Variants in BRIP1 observed in about 807,000 individuals in gnomAD.
BRIP1 encodes Fanconi anemia group J protein.
BRIP1 carries 88 observed loss-of-function variants against 119.7 expected under a neutral mutation model. The observed-to-expected ratio is 0.74, with a 90% CI of 0.62 to 0.88. The LOEUF (loss-of-function observed/expected upper bound fraction) is 0.88, where lower values mean the gene tolerates loss of function less well. BRIP1 is among the 40% of genes least tolerant of loss of function. BRIP1 has a pLI of 0.00. For missense variants in BRIP1, 1,259 were observed against 1,455.4 expected (o/e 0.87, Z 2.20); for synonymous variants, 443 against 496.5 (o/e 0.89, Z 1.43).
intron 6 of BRIP1, among the ~76,000 whole-genome samples, chr17:61,811,969 T>C (rs551172236): frequency 2.6e-5 from 4 of 151,864 alleles, no homozygotes; most frequent in African/African-American, 9.7e-5. Flanking sequence ...AAATAAATAA[T>C]AAAAGATTTG....
At chr17:61,855,617 A>G (rs908428385) in intron 4 of BRIP1, among the ~76,000 whole-genome samples, 2 of 151,872 alleles carry the variant, frequency 1.3e-5, no homozygotes, top group Non-Finnish European at 2.9e-5. Context: ...AAATATATGC[A>G]ATTTGTTATG....
In BRIP1 at chr17:61,822,130, T is replaced by C. The variant is rs1022626011; in HGVS notation, c.628-13373A>G. 6.6e-6 allele frequency among the ~76,000 whole-genome samples: 1 copy of C among 152,130 alleles called. No homozygotes were observed. The highest frequency in any genetic ancestry group is 1.5e-5 in the Non-Finnish European group (1 of 68,018). On this transcript the variant is annotated intron_variant, in intron 6 of 19. Transcript: ENST00000259008. This position sits in a 1 kb window ranked among gnomAD's most constrained non-coding sequence, Gnocchi z 4.4. The stretch of plus-strand genomic sequence containing the variant: ...AATATAAATTAATGAATGAAATGTC[T>C]TCCCTATAAGCGTTACATAAAATTA...
At chr17:61,785,858 C>T (rs2077696722) in intron 10 of BRIP1, among the ~76,000 whole-genome samples, 1 of 151,838 alleles carries the variant, frequency 6.6e-6, no homozygotes, top group Admixed American at 6.6e-5. Flanking sequence ...AAATGAAATC[C>T]TACATATTCA....
chr17:61,785,563 C>G (rs2077692982), intron 10 of BRIP1, among the ~76,000 whole-genome samples: 1 of 152,068 alleles, frequency 6.6e-6, no homozygotes, highest in African/African-American at 2.4e-5. Context: ...AATCAGCCTT[C>G]ACTGAACAAA....
chr17:61,763,227 C>T (rs2077303437), intron 14 of BRIP1, among the ~76,000 whole-genome samples: 1 of 152,058 alleles, frequency 6.6e-6, no homozygotes, highest in African/African-American at 2.4e-5. Flanking sequence ...CATGTTGTAG[C>T]ATGAAAAGAA....
rs1603300886 is a variant in BRIP1, at chr17:61,735,078, A to C, written c.2379+7935T>G. Among the ~76,000 whole-genome samples the C allele has an allele frequency of 6.6e-6, 1 of 152,202 alleles. No homozygotes were observed. The highest frequency in any genetic ancestry group is 2.4e-5 in the African/African-American group (1 of 41,464). On this transcript the variant is annotated intron_variant, in intron 16 of 19. Transcript: ENST00000259008. This position sits in a 1 kb window ranked among gnomAD's most constrained non-coding sequence, Gnocchi z 4.4. Reference sequence around the variant, plus strand: ...GTCCTATAATTTGAAGCATAGTTTTAGTTTTGGAAGAGCCATCTATGTAGG... The same window carrying C: ...GTCCTATAATTTGAAGCATAGTTTTCGTTTTGGAAGAGCCATCTATGTAGG...
intron 14 of BRIP1, among the ~76,000 whole-genome samples, chr17:61,766,246 T>C (rs567659811): frequency 2.6e-5 from 4 of 152,298 alleles, no homozygotes; most frequent in African/African-American, 9.6e-5. Flanking sequence ...CAGAATGTAG[T>C]ATGTGCCCAG....
intron 16 of BRIP1, among the ~76,000 whole-genome samples, chr17:61,732,892 C>A (rs918639737): frequency 2.6e-5 from 4 of 152,010 alleles, no homozygotes; most frequent in Non-Finnish European, 5.9e-5. Context: ...CTGGGTTTCA[C>A]CATGTTGGCC....
rs200725187 is a variant in BRIP1, at chr17:61,721,886, T to TTTTG, written c.2380-5827_2380-5824dup. Among the ~76,000 whole-genome samples, 11 of 147,276 alleles carry TTTTG rather than the reference T, an allele frequency of 7.5e-5. No homozygotes were observed. In the South Asian group the frequency reaches 2.4e-3, roughly 32 times the overall value. On this transcript the variant is annotated intron_variant, in intron 16 of 19. Transcript: ENST00000259008. ...CTAATTTTTTGTGTATATATATATT[T>TTTTG]TTTGTTTGTTTGTTTGTTTTTTAGT...
At chr17:61,820,161 C>G (rs574397950) in intron 6 of BRIP1, among the ~76,000 whole-genome samples, 1 of 152,198 alleles carries the variant, frequency 6.6e-6, no homozygotes, top group South Asian at 2.1e-4. Context: ...TATCTCCCAC[C>G]TTACATCAAA....
rs149378061 is a variant in BRIP1, at chr17:61,745,699, G to A, written c.2098-1108C>T. ...ACTCATATTCTTAAAAACCATATGAGTTAAATAGAAAAAACACAGTATAAC... is the reference window on the plus strand; with the variant it reads ...ACTCATATTCTTAAAAACCATATGAATTAAATAGAAAAAACACAGTATAAC... On this transcript the variant is annotated intron_variant, in intron 14 of 19. Transcript: ENST00000259008. This position sits in a 1 kb window ranked among gnomAD's most constrained non-coding sequence, Gnocchi z 4.4. 6.6e-6 allele frequency among the ~76,000 whole-genome samples: 1 copy of A among 152,140 alleles called. No individual in the cohort carries two copies. Among genetic ancestry groups the A allele is most frequent in the East Asian group, 1.9e-4 (1 of 5,190 alleles).
At chr17:61,839,136 C>A (rs1184187800) in intron 6 of BRIP1, among the ~76,000 whole-genome samples, 1 of 151,912 alleles carries the variant, frequency 6.6e-6, no homozygotes, top group Non-Finnish European at 1.5e-5. Context: ...TACTCATATC[C>A]CCATTATTTT....
At chr17:61,797,185 A>G (rs1426523454) in intron 9 of BRIP1, among the ~76,000 whole-genome samples, 2 of 151,984 alleles carry the variant, frequency 1.3e-5, no homozygotes, top group African/African-American at 4.8e-5. Flanking sequence ...AAGCTATGAT[A>G]CTACAAACTA....
chr17:61,699,644 T>C lies in BRIP1; in HGVS notation c.2493-6132A>G, dbSNP rs531580201. On this transcript the variant is annotated intron_variant, in intron 17 of 19. Coordinates refer to ENST00000259008, the MANE Select transcript of BRIP1 (RefSeq NM_032043.3). This position sits in a 1 kb window ranked among gnomAD's most constrained non-coding sequence, Gnocchi z 4.8. ...GGTGCAGAAGAATTAACATTGTAGG[T>C]TGGATTGTTTACCCCTAGAAAGGTC... 6.6e-6 allele frequency among the ~76,000 whole-genome samples: 1 copy of C among 152,298 alleles called. No homozygotes were observed. Among genetic ancestry groups the C allele is most frequent in the East Asian group, 1.9e-4 (1 of 5,182 alleles).
intron 14 of BRIP1, among the ~76,000 whole-genome samples, chr17:61,749,068 C>A (rs544990644): frequency 9.3e-5 from 14 of 150,566 alleles, no homozygotes; most frequent in South Asian, 2.1e-4. Flanking sequence ...ACCTGGGAGG[C>A]GGAGGTTGCA....
In BRIP1 at chr17:61,759,297, G is replaced by A. The variant is rs1255481371; in HGVS notation, c.2098-14706C>T. ...ATCTATACTTACATAAGACAAAATA[G>A]ACTAAGTCAAATACTGTAAAAAGAA... On this transcript the variant is annotated intron_variant, in intron 14 of 19. Transcript: ENST00000259008. This position sits in a 1 kb window ranked among gnomAD's most constrained non-coding sequence, Gnocchi z 4.9. 1.3e-5 allele frequency among the ~76,000 whole-genome samples: 2 copies of A among 151,908 alleles called. No individual in the cohort carries two copies. Among genetic ancestry groups the A allele is most frequent in the East Asian group, 3.8e-4 (2 of 5,198 alleles).
At chr17:61,741,490 G>C (rs1441958405) in intron 16 of BRIP1, among the ~76,000 whole-genome samples, 10 of 152,220 alleles carry the variant, frequency 6.6e-5, no homozygotes, top group African/African-American at 2.2e-4. Flanking sequence ...ATCTATAGCA[G>C]TTATAGCCTC....
Position 61,808,857 on chromosome 17 carries a change from T to C in BRIP1, c.628-100A>G, listed in dbSNP as rs2078120549. 6.7e-6 allele frequency: 8 copies of C among 1,200,966 alleles called. No homozygotes were observed. Among genetic ancestry groups the C allele is most frequent in the Non-Finnish European group, 8.3e-6 (7 of 839,314 alleles). The allele number at this position is 1,200,966 out of a possible 1,614,324, so 74.4% of individuals were successfully genotyped here. A position where few individuals can be genotyped will look rare whatever the true frequency, so the allele number is the denominator to read the frequency against. The stretch of plus-strand genomic sequence containing the variant: ...AGAACCTGTAAGTAATGAATCACAA[T>C]GGTCAAATAAAGAGAAATAACAAGA... On this transcript the variant is annotated intron_variant, in intron 6 of 19. Coordinates refer to ENST00000259008, the MANE Select transcript of BRIP1 (RefSeq NM_032043.3). This position sits in a 1 kb window ranked among gnomAD's most constrained non-coding sequence, Gnocchi z 4.1.
chr17:61,765,402 T>TA (rs1277958974), intron 14 of BRIP1, among the ~76,000 whole-genome samples: 3 of 15,276 alleles, frequency 2.0e-4, no homozygotes, highest in African/African-American at 6.9e-4. Flanking sequence ...TATATATATA[T>TA]ATATATATAT....
Sources: gnomAD v4.1 joint callset for allele counts (sites outside exome capture counted in the v4.1 genomes callset) on GRCh38, gnomAD v4.1.1 for gene constraint, Gnocchi (gnomAD v3.1) non-coding constraint, MANE v1.5 for transcripts, NCBI Gene and HGNC (gene_info 2026-07-23, HGNC 2026-07-21) for gene names.